CCBE1: variants seen among roughly 807,000 people sequenced by gnomAD.
CCBE1 encodes collagen and calcium-binding EGF domain-containing protein 1.
In CCBE1, 37 loss-of-function variants were observed where a neutral mutation model predicts 50.0. That is an observed-to-expected ratio of 0.74 (90% CI 0.57 to 0.97). The LOEUF is 0.97. CCBE1 is among the 50% of genes least tolerant of loss of function. The pLI, the probability that CCBE1 is intolerant of heterozygous loss-of-function variation, is 0.00. For missense variants in CCBE1, 538 were observed against 523.8 expected (o/e 1.03, Z -0.26); for synonymous variants, 234 against 203.7 (o/e 1.15, Z -1.27).
rs887697520 is a variant in CCBE1 at position 59,667,070 on chromosome 18, T to C, written c.212+29559A>G. ...GGGAGGATTGCTTGAGGCCAGGAGT[T>C]TGAGACCAGCCTGGGCAACATAGTG... On this transcript the variant is annotated intron_variant, in intron 2 of 10. Transcript: ENST00000439986. Among the ~76,000 whole-genome samples the C allele has an allele frequency of 5.9e-5, 9 of 152,154 alleles. No individual in the cohort carries two copies. The South Asian group carries it at 1.9e-3, about 32-fold the overall frequency.
chr18:59,467,701 G>T (rs377383672), intron 4 of CCBE1, among the ~76,000 whole-genome samples: 32 of 152,286 alleles, frequency 2.1e-4, no homozygotes, highest in African/African-American at 7.7e-4. Context: ...AAGACAGTGG[G>T]TAGCAGTGGG....
chr18:59,484,126 A>C (rs976281957), intron 2 of CCBE1, among the ~76,000 whole-genome samples: 2 of 152,210 alleles, frequency 1.3e-5, no homozygotes, highest in Admixed American at 1.3e-4. Context: ...TCCATAGTTT[A>C]AAAAAGTTCA....
chr18:59,697,105 C>T, intron 1 of CCBE1, 107 bp downstream of exon 1: 1 of 1,419,566 alleles, frequency 7.0e-7, no homozygotes, highest in South Asian at 1.3e-5. Context: ...GAAGTGAGGG[C>T]GTGCGGATCG....
chr18:59,461,300 CTT>C (rs11379671), intron 5 of CCBE1, among the ~76,000 whole-genome samples: 17 of 133,618 alleles, frequency 1.3e-4, no homozygotes, highest in East Asian at 2.2e-4. Context: ...AGTGGAGGCA[CTT>C]TTTTTTTTTT....
chr18:59,675,264 A>G (rs1225860472), intron 2 of CCBE1, among the ~76,000 whole-genome samples: 1 of 152,236 alleles, frequency 6.6e-6, no homozygotes, highest in Non-Finnish European at 1.5e-5. Flanking sequence ...AGTTTGTAGC[A>G]CAAAAACTGA....
At chr18:59,456,002 ACTGTTCCTCTCTTCTGCAAAGCCCT>A (rs924634361) in intron 5 of CCBE1, among the ~76,000 whole-genome samples, 1 of 152,046 alleles carries the variant, frequency 6.6e-6, no homozygotes, top group African/African-American at 2.4e-5. Context: ...TTTGCTTCTT[ACTGTTCCTCTCTTCTGCAAAGCCCT>A]CTGTTCCATC....
rs533481668 is a variant in CCBE1, at chr18:59,605,428, G to A, written c.212+91201C>T. ...TGGGGTGTAGCACAGAATAAAGGGG[G>A]CATCTCACCCTACCAGGAGAAGGGC... On this transcript the variant is annotated intron_variant, in intron 2 of 10. Transcript: ENST00000439986. Among the ~76,000 whole-genome samples the A allele has an allele frequency of 2.6e-5, 4 of 152,272 alleles. No individual in the cohort carries two copies. The South Asian group carries it at 8.3e-4, about 32-fold the overall frequency.
intron 2 of CCBE1, among the ~76,000 whole-genome samples, chr18:59,590,276 T>C (rs368894740): frequency 6.6e-6 from 1 of 152,178 alleles, no homozygotes; most frequent in East Asian, 1.9e-4. Context: ...AAAAATTTAG[T>C]AAAGAAGCAT....
chr18:59,680,277 T>C (rs2054569447), intron 2 of CCBE1, among the ~76,000 whole-genome samples: 1 of 151,196 alleles, frequency 6.6e-6, no homozygotes, highest in African/African-American at 2.4e-5. Flanking sequence ...CGCACTTATC[T>C]CAGGGAGCAG....
At chr18:59,613,834 T>G (rs2053602069) in intron 2 of CCBE1, among the ~76,000 whole-genome samples, 1 of 149,858 alleles carries the variant, frequency 6.7e-6, no homozygotes, top group African/African-American at 2.4e-5. Context: ...TTTTTAAAAT[T>G]GAAGCACAAA....
chr18:59,521,938 T>C (rs550029976), intron 2 of CCBE1, among the ~76,000 whole-genome samples: 39 of 152,336 alleles, frequency 2.6e-4, no homozygotes, highest in Non-Finnish European at 4.4e-4. Context: ...AATTCTCATA[T>C]ATGCTGTTTA....
chr18:59,475,557 A>G (rs1485814162), intron 3 of CCBE1, among the ~76,000 whole-genome samples: 2 of 152,158 alleles, frequency 1.3e-5, no homozygotes, highest in South Asian at 2.1e-4. Flanking sequence ...ATGTCCTTTT[A>G]TAATTGTTGA....
chr18:59,444,938 A>C (rs957440566), intron 7 of CCBE1, among the ~76,000 whole-genome samples: 12 of 152,080 alleles, frequency 7.9e-5, no homozygotes, highest in African/African-American at 2.9e-4. Context: ...TATATCCTAG[A>C]TATTAACCCC....
In CCBE1 at chr18:59,602,379, G is replaced by GT. The variant is rs926467051; in HGVS notation, c.212+94249dup. On this transcript the variant is annotated intron_variant, in intron 2 of 10. Transcript: ENST00000439986. The stretch of plus-strand genomic sequence containing the variant: ...CATCATCATCCTTATGTGGTTCTCT[G>GT]TTTTTTCCTTCTATCAATTCATTAG... Among the ~76,000 whole-genome samples the GT allele has an allele frequency of 1.2e-4, 19 of 152,156 alleles. No homozygotes were observed. The East Asian group carries it at 1.4e-3, about 11-fold the overall frequency.
intron 2 of CCBE1, among the ~76,000 whole-genome samples, chr18:59,687,879 T>C (rs2054678279): frequency 1.3e-5 from 2 of 152,182 alleles, no homozygotes; most frequent in African/African-American, 4.8e-5. Flanking sequence ...GAGAATCCCT[T>C]GAACCCCAGA....
chr18:59,612,915 C>G (rs149529038), intron 2 of CCBE1, among the ~76,000 whole-genome samples: 12 of 148,116 alleles, frequency 8.1e-5, no homozygotes, highest in African/African-American at 2.7e-4. Context: ...AAAAGAATTC[C>G]TAGTCTGCTT....
chr18:59,536,732 G>C (rs943722721), intron 2 of CCBE1, among the ~76,000 whole-genome samples: 4 of 152,134 alleles, frequency 2.6e-5, no homozygotes, highest in Non-Finnish European at 5.9e-5. Flanking sequence ...GCTGACATCT[G>C]TAATCTCTGC....
chr18:59,579,722 G>T (rs2053055476), intron 2 of CCBE1, among the ~76,000 whole-genome samples: 2 of 152,326 alleles, frequency 1.3e-5, no homozygotes, highest in South Asian at 4.1e-4. Flanking sequence ...TACTGCGTTA[G>T]TGTCTCTGTC....
intron 2 of CCBE1, among the ~76,000 whole-genome samples, chr18:59,641,632 C>T (rs1045112301): frequency 6.6e-6 from 1 of 152,194 alleles, no homozygotes; most frequent in East Asian, 1.9e-4. Context: ...CCAAGAACCA[C>T]CAAAATATTC....
Sources: allele counts gnomAD v4.1 joint callset (sites outside exome capture counted in the v4.1 genomes callset), GRCh38; gene constraint gnomAD v4.1.1; transcripts MANE v1.5; gene names NCBI Gene and HGNC (gene_info 2026-07-23, HGNC 2026-07-21).